The following MRTFB variants were observed in gnomAD, a reference collection of about 807,000 sequenced individuals.
MRTFB encodes the protein myocardin related transcription factor B.
A neutral mutation model predicts 104.2 loss-of-function variants in MRTFB; 29 were observed. The observed-to-expected ratio is 0.28, with a 90% confidence interval of 0.21 to 0.38. The LOEUF (loss-of-function observed/expected upper bound fraction) is 0.38. Among genes scored for constraint, MRTFB ranks in the 10% least tolerant of loss-of-function variants. The probability of loss-of-function intolerance (pLI) is 1.00; values close to 1 mark genes in which losing one functional copy is unlikely to be tolerated. For missense variants in MRTFB, 1,270 were observed against 1,341.6 expected (o/e 0.95, Z 0.83); for synonymous variants, 535 against 519.5 (o/e 1.03, Z -0.41).
chr16:14,017,667 T>TTGTGTGTGTG, the MRTFB span, among the ~76,000 whole-genome samples: 761 of 49,278 alleles, frequency 0.015, 71 homozygotes, highest in African/African-American at 0.055. Flanking sequence ...GTGTGTGTAT[T>TTGTGTGTGTG]TGTGTGTGTG....
intron 15 of MRTFB, among the ~76,000 whole-genome samples, chr16:14,256,607 A>C (rs2043504992): frequency 6.6e-6 from 1 of 152,208 alleles, no homozygotes; most frequent in South Asian, 2.1e-4. Context: ...GAGGCCTCCC[A>C]TCAATGGCCA....
At chr16:14,007,443 T>C in the MRTFB span, among the ~76,000 whole-genome samples, 52,994 of 152,152 alleles carry the variant, frequency 0.35, 10,641 homozygotes, top group Non-Finnish European at 0.45. Flanking sequence ...TTTCATCATA[T>C]GTATAAAGCA....
intron 8 of MRTFB, among the ~76,000 whole-genome samples, chr16:14,222,174 A>G (rs533935453): frequency 4.6e-5 from 7 of 152,326 alleles, no homozygotes; most frequent in Non-Finnish European, 1.0e-4. Context: ...GGTCACAGGC[A>G]GGTAACAGAG....
At chr16:14,214,205 C>G (rs1434641210) in intron 6 of MRTFB, among the ~76,000 whole-genome samples, 1 of 152,190 alleles carries the variant, frequency 6.6e-6, no homozygotes, top group Non-Finnish European at 1.5e-5. Flanking sequence ...GTTTTTCTCT[C>G]TAAAGGCAAA....
chr16:14,120,038 A>G (rs930345991), intron 2 of MRTFB, among the ~76,000 whole-genome samples: 2 of 152,182 alleles, frequency 1.3e-5, no homozygotes, highest in Non-Finnish European at 2.9e-5. Context: ...GTGAAATAGT[A>G]CATTTCCTTC....
the MRTFB span, among the ~76,000 whole-genome samples, chr16:14,028,307 A>G: frequency 6.6e-6 from 1 of 152,342 alleles, no homozygotes; most frequent in Admixed American, 6.5e-5. Context: ...AAAAGAGGCC[A>G]GACCCAGGTC....
At chr16:14,259,694 T>C (rs1159835235) in intron 16 of MRTFB, among the ~76,000 whole-genome samples, 2 of 152,112 alleles carry the variant, frequency 1.3e-5, no homozygotes, top group Non-Finnish European at 2.9e-5. Flanking sequence ...GAGGCTGCAA[T>C]GAGCTGAGAT....
At chr16:14,211,670 T>C (rs1469381881) in intron 4 of MRTFB, among the ~76,000 whole-genome samples, 1 of 152,200 alleles carries the variant, frequency 6.6e-6, no homozygotes, top group Non-Finnish European at 1.5e-5. Flanking sequence ...TTCCAGAATA[T>C]TGGATTTACC....
At chr16:14,166,293 A>G (rs890506723) in intron 3 of MRTFB, among the ~76,000 whole-genome samples, 63 of 151,166 alleles carry the variant, frequency 4.2e-4, no homozygotes, top group African/African-American at 1.3e-3. Context: ...GAATTGTACA[A>G]TACATATCCA....
chr16:14,196,247 A>G (rs977310733), intron 3 of MRTFB, among the ~76,000 whole-genome samples: 1 of 152,226 alleles, frequency 6.6e-6, no homozygotes, highest in African/African-American at 2.4e-5. Context: ...TCCAAAGCTG[A>G]GTGTTGAAAC....
rs1457774679 is a variant in MRTFB at position 14,266,635 on chromosome 16, G to A, written c.*5191G>A. 1.3e-5 allele frequency: 2 copies of A among 152,130 alleles called. No homozygotes were observed. Among genetic ancestry groups the A allele is most frequent in the East Asian group, 3.8e-4 (2 of 5,196 alleles). 9.4% of individuals were successfully genotyped at this position (152,130 alleles called of 1,614,324 possible). On this transcript the variant is annotated 3_prime_UTR_variant, in exon 17 of 17. Coordinates refer to ENST00000571589, the MANE Select transcript of MRTFB (RefSeq NM_001308142.2). ...TGCACATGTACTGTACATAAGTAAT[G>A]CATACTGTATTTTTATATGTGTGCA...
chr16:14,251,688 A>G lies in MRTFB; in HGVS notation c.2404-174A>G, dbSNP rs547667739. 2.6e-5 allele frequency among the ~76,000 whole-genome samples: 4 copies of G among 152,348 alleles called. No individual in the cohort carries two copies. In the East Asian group the frequency reaches 5.8e-4, roughly 22 times the overall value. ...TGTCTGTGGCTGCTTTCAGGCTGCA[A>G]TGGCAGAGCCAAGTGGTAACAACAG... On this transcript the variant is annotated intron_variant, in intron 13 of 16. Coordinates refer to ENST00000571589, the MANE Select transcript of MRTFB (RefSeq NM_001308142.2).
At chr16:14,239,886 G>A (rs149829458) in intron 9 of MRTFB, among the ~76,000 whole-genome samples, 42 of 152,196 alleles carry the variant, frequency 2.8e-4, no homozygotes, top group Non-Finnish European at 5.6e-4. Context: ...TTTTCCCATT[G>A]TATATTTAGC....
At chr16:14,116,764 T>C (rs915931742) in intron 2 of MRTFB, among the ~76,000 whole-genome samples, 1 of 152,112 alleles carries the variant, frequency 6.6e-6, no homozygotes, top group Non-Finnish European at 1.5e-5. Context: ...CTCCTTCCCA[T>C]TGTGACAACC....
Position 14,090,726 on chromosome 16 carries a change from G to A in MRTFB, c.-64+11372G>A, listed in dbSNP as rs533733210. On this transcript the variant is annotated intron_variant, in intron 2 of 16. Coordinates refer to ENST00000571589, the MANE Select transcript of MRTFB (RefSeq NM_001308142.2). ...CTTCTGGTTACTTCCTGCCATGTAT[G>A]CCAAGTACACTAGCACCAGATATCT... is the stretch of plus-strand genomic sequence containing the variant. Among the ~76,000 whole-genome samples the A allele has an allele frequency of 3.3e-5, 5 of 152,294 alleles. No homozygotes were observed. In the East Asian group the frequency reaches 9.6e-4, roughly 29 times the overall value.
intron 3 of MRTFB, among the ~76,000 whole-genome samples, chr16:14,190,900 G>A (rs1597202680): frequency 1.3e-5 from 2 of 152,198 alleles, no homozygotes; most frequent in South Asian, 4.1e-4. Flanking sequence ...CCACAGACTG[G>A]CTAATAGCCG....
the MRTFB span, among the ~76,000 whole-genome samples, chr16:14,018,513 G>A: frequency 7.9e-5 from 12 of 152,140 alleles, no homozygotes; most frequent in South Asian, 2.1e-4. Flanking sequence ...TCTGGACTAC[G>A]TATTATTCTT....
At chr16:14,195,748 TA>T in intron 3 of MRTFB, 2 of 180,322 alleles carry the variant, frequency 1.1e-5, no homozygotes, top group Non-Finnish European at 2.1e-5. Context: ...CTTTAGCTTG[TA>T]GCACTAGCTC....
In MRTFB at chr16:14,261,429, G is replaced by C. The variant is rs201086858; in HGVS notation, c.3285G>C (p.Pro1095=). 3.6e-5 allele frequency: 58 copies of C among 1,600,644 alleles called. No individual in the cohort carries two copies. In the Admixed American group the frequency reaches 3.9e-4, roughly 11 times the overall value. ...ACTTTCTAGACCCACAGGACCTACC[G>C]CTGCCATGGGACTAACGTCACAGAT... The part of the protein sequence containing the change: ...SADFLDPQDL[P]LPWD The change falls in exon 17 of 17, where the codon CCG becomes CCC. Residue 1095 remains proline (P), a synonymous_variant. Coordinates refer to ENST00000571589, the MANE Select transcript of MRTFB (RefSeq NM_001308142.2).
Sources: allele counts gnomAD v4.1 joint callset (sites outside exome capture counted in the v4.1 genomes callset), GRCh38; gene constraint gnomAD v4.1.1; transcripts MANE v1.5; gene names NCBI Gene and HGNC (gene_info 2026-07-23, HGNC 2026-07-21).